The following PARD3 variants were observed in gnomAD, a reference collection of about 807,000 sequenced individuals.
PARD3 encodes the protein par-3 family cell polarity regulator.
A neutral mutation model predicts 155.4 loss-of-function variants in PARD3; 75 were observed. The ratio of observed to expected loss-of-function variants is 0.48; its 90% CI spans 0.40 to 0.58. The LOEUF (loss-of-function observed/expected upper bound fraction) is 0.58. Ranked by LOEUF, PARD3 falls within the 20% of genes least tolerant of loss-of-function variation. The pLI is 0.00. For synonymous variants in PARD3, 576 were observed against 610.5 expected, an observed-to-expected ratio of 0.94 and a Z score of 0.83; for missense variants, 1,642 against 1,721.7, an observed-to-expected ratio of 0.95 and a Z score of 0.82.
chr10:34,665,840 A>AAGAACAGAACAGAACAGAAC (rs60764123), intron 2 of PARD3, among the ~76,000 whole-genome samples: 4,154 of 136,644 alleles, frequency 0.03, 115 homozygotes, highest in Middle Eastern at 0.043. Flanking sequence ...GTCTCAATTA[A>AAGAACAGAACAGAACAGAAC]AGAACAGAAC....
chr10:34,378,076 G>C lies in PARD3; in HGVS notation c.1430C>G (p.Ser477Cys), dbSNP rs534843370. 3 of 1,594,802 alleles carry C rather than the reference G, an allele frequency of 1.9e-6. No individual in the cohort carries two copies. The African/African-American group carries it at 4.1e-5, about 22-fold the overall frequency. Residue 477 changes from serine to cysteine, a missense_variant, in exon 10 of 25, where the codon TCC becomes TGC. Physicochemically the swap from Ser to Cys is moderately radical, Grantham distance 112. Transcript: ENST00000374788. Reference protein sequence around the residue: ...GTEGLGFSITSRDVTIGGSAP... With the variant: ...GTEGLGFSITCRDVTIGGSAP... ...TGAGCCACCTATTGTTACATCTCTG[G>C]AAGTGATGCTGAATCCCAAACCTTC...
intron 22 of PARD3, among the ~76,000 whole-genome samples, chr10:34,164,655 T>C (rs1360733392): frequency 6.6e-6 from 1 of 152,230 alleles, no homozygotes; most frequent in Non-Finnish European, 1.5e-5. Context: ...GTGACAACTT[T>C]TGTGGATGTG....
chr10:34,194,244 G>A (rs1181490642), intron 22 of PARD3, among the ~76,000 whole-genome samples: 2 of 152,176 alleles, frequency 1.3e-5, no homozygotes, highest in African/African-American at 2.4e-5. Context: ...GTAAAATAAT[G>A]TTATCTGGCA....
intron 22 of PARD3, among the ~76,000 whole-genome samples, chr10:34,229,274 A>G (rs1033318732): frequency 3.9e-5 from 6 of 152,082 alleles, no homozygotes; most frequent in Admixed American, 2.6e-4. Context: ...GCTGGAGTAC[A>G]GTGGCATGAT....
chr10:34,278,044 T>A (rs189757554), intron 21 of PARD3, among the ~76,000 whole-genome samples: 7 of 152,116 alleles, frequency 4.6e-5, no homozygotes, highest in African/African-American at 1.4e-4. Flanking sequence ...ATTGATTATA[T>A]TGTCTTTTCC....
At chr10:34,623,704 G>A (rs1053258946) in intron 2 of PARD3, among the ~76,000 whole-genome samples, 3 of 151,118 alleles carry the variant, frequency 2.0e-5, no homozygotes, top group Admixed American at 6.6e-5. Context: ...TGCAGGGCCA[G>A]GTGCAGGGGC....
chr10:34,420,124 T>C (rs1210731641), intron 5 of PARD3, among the ~76,000 whole-genome samples: 1 of 152,182 alleles, frequency 6.6e-6, no homozygotes, highest in Non-Finnish European at 1.5e-5. Context: ...TCTGATATTT[T>C]TAAAATTTTT....
chr10:34,352,008 G>C (rs1199783764), intron 14 of PARD3, among the ~76,000 whole-genome samples: 1 of 152,146 alleles, frequency 6.6e-6, no homozygotes, highest in Non-Finnish European at 1.5e-5. Flanking sequence ...TCATTTTAAA[G>C]AAGTCCTTGA....
At chr10:34,553,700 T>G (rs893656798) in intron 2 of PARD3, among the ~76,000 whole-genome samples, 3 of 152,278 alleles carry the variant, frequency 2.0e-5, no homozygotes, top group East Asian at 1.9e-4. Flanking sequence ...GAATCGAATG[T>G]TGGGGTTTTA....
intron 2 of PARD3, among the ~76,000 whole-genome samples, chr10:34,689,750 T>C (rs2094016557): frequency 6.6e-6 from 1 of 152,212 alleles, no homozygotes; most frequent in Admixed American, 6.5e-5. Flanking sequence ...CTAAGAATTG[T>C]ATAATTTTAA....
At chr10:34,740,683 C>T (rs2094993189) in intron 1 of PARD3, among the ~76,000 whole-genome samples, 1 of 152,002 alleles carries the variant, frequency 6.6e-6, no homozygotes, top group African/African-American at 2.4e-5. Context: ...TCTTCTATAT[C>T]ATGTGAACAA....
chr10:34,350,788 T>A (rs763377774), intron 14 of PARD3, among the ~76,000 whole-genome samples: 1 of 152,194 alleles, frequency 6.6e-6, no homozygotes, highest in African/African-American at 2.4e-5. Flanking sequence ...AGTGGCTGTT[T>A]AGCCCCTCAG....
chr10:34,772,793 A>T (rs915660054), intron 1 of PARD3, among the ~76,000 whole-genome samples: 3 of 60,792 alleles, frequency 4.9e-5, no homozygotes, highest in Admixed American at 1.6e-4. Flanking sequence ...GACTCCATCT[A>T]AAAAAAAAAA....
intron 5 of PARD3, among the ~76,000 whole-genome samples, chr10:34,432,185 A>T (rs2075969572): frequency 6.6e-6 from 1 of 151,910 alleles, no homozygotes; most frequent in Admixed American, 6.6e-5. Flanking sequence ...TCCAAGTGGC[A>T]ATTTGGAAGA....
intron 12 of PARD3, among the ~76,000 whole-genome samples, chr10:34,366,002 T>C (rs1839933733): frequency 6.6e-6 from 1 of 152,240 alleles, no homozygotes; most frequent in African/African-American, 2.4e-5. Context: ...CAAGTGATTT[T>C]AATTTTCTTC....
intron 22 of PARD3, among the ~76,000 whole-genome samples, chr10:34,132,489 T>A (rs1947666641): frequency 6.6e-6 from 1 of 152,240 alleles, no homozygotes; most frequent in African/African-American, 2.4e-5. Context: ...TGCATATCAC[T>A]TTGTAAAACA....
intron 3 of PARD3, among the ~76,000 whole-genome samples, chr10:34,515,264 A>G (rs2081642754): frequency 6.6e-6 from 1 of 152,220 alleles, no homozygotes; most frequent in African/African-American, 2.4e-5. Context: ...CTAATGTAAG[A>G]ATTTTTAAAC....
At chr10:34,136,910 G>A (rs982469795) in intron 22 of PARD3, among the ~76,000 whole-genome samples, 2 of 152,048 alleles carry the variant, frequency 1.3e-5, no homozygotes, top group African/African-American at 4.8e-5. Context: ...TCTCTCTTAG[G>A]TTTGTGCCTT....
chr10:34,555,518 G>A (rs962136759), intron 2 of PARD3, among the ~76,000 whole-genome samples: 1 of 152,152 alleles, frequency 6.6e-6, no homozygotes, highest in South Asian at 2.1e-4. Flanking sequence ...CAAAACAAAA[G>A]AAGTACAGGA....
Sources: gnomAD v4.1 joint callset for allele counts (sites outside exome capture counted in the v4.1 genomes callset) on GRCh38, gnomAD v4.1.1 for gene constraint, MANE v1.5 for transcripts, NCBI Gene and HGNC (gene_info 2026-07-23, HGNC 2026-07-21) for gene names.